UGGT2: variants seen among roughly 807,000 people sequenced by gnomAD.
UGGT2 encodes the protein UDP-glucose glycoprotein glucosyltransferase 2.
UGGT2 carries 180 observed loss-of-function variants against 192.1 expected under a neutral mutation model. That is an observed-to-expected ratio of 0.94 (90% confidence interval 0.83 to 1.06). The LOEUF is 1.06. UGGT2 is among the 50% of genes least tolerant of loss of function. The probability of loss-of-function intolerance (pLI) is 0.00; values close to 1 mark genes in which losing one functional copy is unlikely to be tolerated. For missense variants in UGGT2, 1,849 were observed against 1,795.7 expected, an observed-to-expected ratio of 1.03 and a Z score of -0.54; for synonymous variants, 580 against 591.0, an observed-to-expected ratio of 0.98 and a Z score of 0.27.
intron 38 of UGGT2, among the ~76,000 whole-genome samples, chr13:95,812,243 G>C (rs2139746758): frequency 6.6e-6 from 1 of 152,190 alleles, no homozygotes; most frequent in South Asian, 2.1e-4. Flanking sequence ...TGTACCACAA[G>C]TTATTACTCT....
intron 12 of UGGT2, among the ~76,000 whole-genome samples, chr13:95,952,849 A>G (rs2050108398): frequency 6.6e-6 from 1 of 152,230 alleles, no homozygotes; most frequent in South Asian, 2.1e-4. Context: ...CTCATGTGGA[A>G]AAGAAAACCT....
chr13:95,975,501 G>T (rs1334870010), intron 10 of UGGT2, among the ~76,000 whole-genome samples: 1 of 152,128 alleles, frequency 6.6e-6, no homozygotes, highest in Non-Finnish European at 1.5e-5. Flanking sequence ...TATATTTATA[G>T]TCCAAAAAAC....
rs774212471 is a variant in UGGT2, at chr13:95,939,929, C to T, written c.1812+28G>A. The T allele has an allele frequency of 1.4e-5, 22 of 1,556,100 alleles. No individual in the cohort carries two copies. In the South Asian group the frequency reaches 2.0e-4, roughly 14 times the overall value. ...TGTTTGTCTTTCTGTGCCTGGCCTACTCCACTTAACATAATGTCCCAACTT... is the reference window on the plus strand; with the variant it reads ...TGTTTGTCTTTCTGTGCCTGGCCTATTCCACTTAACATAATGTCCCAACTT... On this transcript the variant is annotated intron_variant, in intron 16 of 38. Transcript: ENST00000376747.
At chr13:95,932,202 T>TG (rs2049304590) in intron 17 of UGGT2, among the ~76,000 whole-genome samples, 2 of 152,184 alleles carry the variant, frequency 1.3e-5, no homozygotes, top group African/African-American at 4.8e-5. Flanking sequence ...GAGCATGGAA[T>TG]GTTTACCCAT....
At chr13:95,924,332 T>C (rs1411463759) in intron 20 of UGGT2, among the ~76,000 whole-genome samples, 2 of 147,400 alleles carry the variant, frequency 1.4e-5, no homozygotes, top group South Asian at 2.2e-4. Context: ...CCAGAACCGC[T>C]TGAGAAGAAA....
At chr13:95,996,490 T>A (rs2051626147) in intron 6 of UGGT2, among the ~76,000 whole-genome samples, 1 of 148,974 alleles carries the variant, frequency 6.7e-6, no homozygotes, top group Non-Finnish European at 1.5e-5. Context: ...AGTAAGACCG[T>A]GTCTAAAAAA....
At chr13:96,043,264 A>C (rs549043175) in intron 1 of UGGT2, among the ~76,000 whole-genome samples, 2 of 152,300 alleles carry the variant, frequency 1.3e-5, no homozygotes, top group African/African-American at 4.8e-5. Context: ...ATCTAGCAAA[A>C]CTAATCTTCA....
chr13:96,005,692 G>A (rs944605627), intron 5 of UGGT2, among the ~76,000 whole-genome samples: 24 of 152,180 alleles, frequency 1.6e-4, no homozygotes, highest in Non-Finnish European at 2.9e-5. Context: ...CAAATTTACA[G>A]TATGCCTAGA....
At chr13:95,942,312 AATT>A (rs1397199136) in intron 15 of UGGT2, among the ~76,000 whole-genome samples, 3 of 149,694 alleles carry the variant, frequency 2.0e-5, no homozygotes, top group African/African-American at 7.4e-5. Flanking sequence ...TCAAATAGTG[AATT>A]ATTATCAGAT....
Position 95,894,676 on chromosome 13 carries a change from C to T in UGGT2, c.2760-19G>A, listed in dbSNP as rs2047896487. On this transcript the variant is annotated intron_variant, in intron 23 of 38. Coordinates refer to ENST00000376747, the MANE Select transcript of UGGT2 (RefSeq NM_020121.4). The stretch of plus-strand genomic sequence containing the variant: ...ACTCATGCTAGATAAACAAGACAAA[C>T]AGTGTATGAGTTTTTTGGAAAGAGT... 5 of 1,595,652 alleles carry T rather than the reference C, an allele frequency of 3.1e-6. 1 individual carries two copies. In the Admixed American group the frequency reaches 8.6e-5, roughly 27 times the overall value.
chr13:95,835,898 GA>G (rs1887225255), intron 37 of UGGT2, among the ~76,000 whole-genome samples: 1 of 152,056 alleles, frequency 6.6e-6, no homozygotes, highest in Non-Finnish European at 1.5e-5. Context: ...AAATAAGTAA[GA>G]AAAAAGCATG....
chr13:95,898,859 A>T (rs1210318150), intron 22 of UGGT2, among the ~76,000 whole-genome samples: 1 of 152,294 alleles, frequency 6.6e-6, no homozygotes, highest in East Asian at 1.9e-4. Context: ...GAAGTATGAG[A>T]GAATAAATTT....
In UGGT2 at chr13:95,941,091, T is replaced by C. The variant is rs368957882; in HGVS notation, c.1678-1000A>G. On this transcript the variant is annotated intron_variant, in intron 15 of 38. Coordinates refer to ENST00000376747, the MANE Select transcript of UGGT2 (RefSeq NM_020121.4). Reference sequence around the variant, plus strand: ...ACCAAGAGAGATGGCATCTCTTGAGTAGACGACTAAGCTGAGACATAAGTA... The same window carrying C: ...ACCAAGAGAGATGGCATCTCTTGAGCAGACGACTAAGCTGAGACATAAGTA... Among the ~76,000 whole-genome samples, 50 of 152,296 alleles carry C rather than the reference T, an allele frequency of 3.3e-4. 1 individual carries two copies. The South Asian group carries it at 1.0e-2, about 30-fold the overall frequency.
At chr13:95,815,197 G>A (rs1884766689) in intron 38 of UGGT2, among the ~76,000 whole-genome samples, 1 of 152,112 alleles carries the variant, frequency 6.6e-6, no homozygotes, top group South Asian at 2.1e-4. Context: ...CAACCCAGAG[G>A]CCCTTGCCAG....
intron 29 of UGGT2, among the ~76,000 whole-genome samples, chr13:95,869,649 C>A (rs1891049411): frequency 1.3e-5 from 2 of 152,172 alleles, no homozygotes; most frequent in Admixed American, 1.3e-4. Flanking sequence ...GATAGTCTGG[C>A]TCTTCACCAC....
In UGGT2 at chr13:95,965,842, A is replaced by G. The variant is rs554383189; in HGVS notation, c.1335+4270T>C. 1.2e-3 allele frequency among the ~76,000 whole-genome samples: 176 copies of G among 152,292 alleles called. 2 individuals carry two copies. The Middle Eastern group carries it at 0.014, about 12-fold the overall frequency. On this transcript the variant is annotated intron_variant, in intron 12 of 38. Coordinates refer to ENST00000376747, the MANE Select transcript of UGGT2 (RefSeq NM_020121.4). The stretch of plus-strand genomic sequence containing the variant: ...TAAATGTAAATAAAAGTGACACGGA[A>G]TATCATTTTACCCCAGTTAGAATGG...
chr13:95,889,106 T>C (rs1456624700), intron 25 of UGGT2, among the ~76,000 whole-genome samples: 2 of 152,206 alleles, frequency 1.3e-5, no homozygotes, highest in African/African-American at 4.8e-5. Flanking sequence ...TCTACTTTTA[T>C]ATAAAAAACT....
intron 36 of UGGT2, among the ~76,000 whole-genome samples, chr13:95,844,676 G>A (rs1888210168): frequency 6.6e-6 from 1 of 152,116 alleles, no homozygotes; most frequent in East Asian, 1.9e-4. Context: ...TAGCTTTTTG[G>A]TAGATTACAT....
intron 12 of UGGT2, among the ~76,000 whole-genome samples, chr13:95,954,021 A>G (rs1247532103): frequency 6.6e-6 from 1 of 152,152 alleles, no homozygotes; most frequent in Non-Finnish European, 1.5e-5. Context: ...GAAAATCCAA[A>G]ACGTTCCAAA....
Sources: allele counts gnomAD v4.1 joint callset (sites outside exome capture counted in the v4.1 genomes callset), GRCh38; gene constraint gnomAD v4.1.1; transcripts MANE v1.5; gene names NCBI Gene and HGNC (gene_info 2026-07-23, HGNC 2026-07-21).